B3GALNT2: variants seen among roughly 807,000 people sequenced by gnomAD.
B3GALNT2 encodes UDP-GalNAc:beta-1,3-N-acetylgalactosaminyltransferase 2.
Under a neutral mutation model 61.1 loss-of-function variants are expected in B3GALNT2, and 53 were observed. That is an observed-to-expected ratio of 0.87 (90% confidence interval 0.70 to 1.09). The LOEUF (loss-of-function observed/expected upper bound fraction) is 1.09, where lower values mean the gene tolerates loss of function less well. B3GALNT2 is among the 50% of genes least tolerant of loss of function. B3GALNT2 has a pLI of 0.00. For synonymous variants in B3GALNT2, 223 were observed against 237.4 expected, an observed-to-expected ratio of 0.94 and a Z score of 0.56; for missense variants, 544 against 623.0, an observed-to-expected ratio of 0.87 and a Z score of 1.35.
Position 235,449,057 on chromosome 1 carries a change from C to T in B3GALNT2, c.*1149G>A. On this transcript the variant is annotated 3_prime_UTR_variant, in exon 12 of 12. Transcript: ENST00000366600. ...TAAATATTAAATAGAAAGAAACTAG[C>T]TAGCCTAATAAAATCTGAACACAGT... 5.9e-6 allele frequency: 2 copies of T among 338,462 alleles called. No individual in the cohort carries two copies. Among genetic ancestry groups the T allele is most frequent in the South Asian group, 5.2e-5 (2 of 38,110 alleles). The allele number at this position is 338,462 out of a possible 1,614,324, so 21.0% of individuals were successfully genotyped here. A position where few individuals can be genotyped will look rare whatever the true frequency, so the allele number is the denominator to read the frequency against.
At chr1:235,494,529 T>C (rs1685222160) in intron 2 of B3GALNT2, 152 bp downstream of exon 2, 1 of 729,750 alleles carries the variant, frequency 1.4e-6, no homozygotes, top group Non-Finnish European at 2.3e-6. Context: ...CAATCATGGC[T>C]CACTGCAGCC....
intron 6 of B3GALNT2, among the ~76,000 whole-genome samples, chr1:235,467,194 G>A (rs928013850): frequency 1.3e-5 from 2 of 151,854 alleles, no homozygotes; most frequent in African/African-American, 4.8e-5. Flanking sequence ...TAAAAATACA[G>A]AAAAATTAGC....
chr1:235,472,623 C>T (rs1245506070), intron 5 of B3GALNT2, among the ~76,000 whole-genome samples: 1 of 152,172 alleles, frequency 6.6e-6, no homozygotes, highest in Non-Finnish European at 1.5e-5. Flanking sequence ...TCCCCAGCAT[C>T]GAGCCTGGCC....
Position 235,496,692 on chromosome 1 carries a change from C to T in B3GALNT2, c.113-1864G>A, listed in dbSNP as rs561927658. On this transcript the variant is annotated intron_variant, in intron 1 of 11. Transcript: ENST00000366600. ...TCCTGAGTAGCTGGGATTATAGGCG[C>T]CTGTCACTGTGCCTGGCTAATTTTT... Among the ~76,000 whole-genome samples, 8 of 151,852 alleles carry T rather than the reference C, an allele frequency of 5.3e-5. No individual in the cohort carries two copies. In the South Asian group the frequency reaches 8.3e-4, roughly 16 times the overall value.
At position 235,504,377 on chromosome 1, in the gene B3GALNT2, C is replaced by T; in HGVS notation, c.-125G>A. 3 of 1,139,558 alleles carry T rather than the reference C, an allele frequency of 2.6e-6. No homozygotes were observed. Among genetic ancestry groups the T allele is most frequent in the Non-Finnish European group, 3.5e-6 (3 of 856,522 alleles). The allele number at this position is 1,139,558 out of a possible 1,614,324, so 70.6% of individuals were successfully genotyped here. ...CTCCGAGCACGCCCGCCCTCGCGCTCGGCGACGTCTGGGGGGCTCCTCGCA... is the reference window on the plus strand; with the variant it reads ...CTCCGAGCACGCCCGCCCTCGCGCTTGGCGACGTCTGGGGGGCTCCTCGCA... On this transcript the variant is annotated 5_prime_UTR_variant, in exon 1 of 12. Coordinates refer to ENST00000366600, the MANE Select transcript of B3GALNT2 (RefSeq NM_152490.5).
Position 235,486,145 on chromosome 1 carries a change from G to A in B3GALNT2, c.362-1630C>T, listed in dbSNP as rs967807463. On this transcript the variant is annotated intron_variant, in intron 3 of 11. Transcript: ENST00000366600. The stretch of plus-strand genomic sequence containing the variant: ...TACTCTAGGTCATTTGGTTGCCCAC[G>A]TCAGACTTCCTAGAAGCTCTTTACA... Among the ~76,000 whole-genome samples the A allele has an allele frequency of 4.6e-5, 7 of 152,190 alleles. No homozygotes were observed. In the South Asian group the frequency reaches 8.3e-4, roughly 18 times the overall value.
At chr1:235,484,988 G>T (rs919639823) in intron 3 of B3GALNT2, among the ~76,000 whole-genome samples, 8 of 152,162 alleles carry the variant, frequency 5.3e-5, no homozygotes, top group Admixed American at 5.2e-4. Context: ...AATTATTACG[G>T]TATAAATAAG....
At chr1:235,462,928 T>C (rs1050123161) in intron 7 of B3GALNT2, among the ~76,000 whole-genome samples, 9 of 152,216 alleles carry the variant, frequency 5.9e-5, no homozygotes, top group African/African-American at 2.2e-4. Context: ...TACTTGCACA[T>C]GCATGTTTAT....
chr1:235,475,015 C>T (rs1279494584), intron 5 of B3GALNT2, among the ~76,000 whole-genome samples: 3 of 47,704 alleles, frequency 6.3e-5, no homozygotes, highest in East Asian at 1.2e-3. Context: ...TTTTTTGAGA[C>T]GGAGTCTCGC....
the B3GALNT2 span, among the ~76,000 whole-genome samples, chr1:235,440,033 C>G: frequency 3.3e-5 from 5 of 151,848 alleles, no homozygotes; most frequent in South Asian, 1.0e-3. Flanking sequence ...TGCAGTGCCG[C>G]GATCTCCGCT....
At chr1:235,487,896 C>G (rs1020588193) in intron 3 of B3GALNT2, among the ~76,000 whole-genome samples, 2 of 152,068 alleles carry the variant, frequency 1.3e-5, no homozygotes, top group East Asian at 3.9e-4. Flanking sequence ...CCAAGCAGTC[C>G]TCCTACCTCA....
rs1281464527 is a variant in B3GALNT2 at position 235,454,212 on chromosome 1, A to T, written c.1255T>A (p.Ser419Thr). ...AFACGSGYVI[S>T]KDIVKWLASN... is the part of the protein sequence containing the mutation. ...GCCAGCCACTTGACGATGTCCTTGGAGATCACATATCCTGACCCACATGCA... is the reference window on the plus strand; with the variant it reads ...GCCAGCCACTTGACGATGTCCTTGGTGATCACATATCCTGACCCACATGCA... The change falls in exon 10 of 12, where the codon TCC becomes ACC. Residue 419 changes from serine to threonine, a missense_variant. By Grantham distance (58) the Ser-to-Thr change is moderately conservative. Coordinates refer to ENST00000366600, the MANE Select transcript of B3GALNT2 (RefSeq NM_152490.5). 5.6e-6 allele frequency: 9 copies of T among 1,613,538 alleles called. No individual in the cohort carries two copies. Among genetic ancestry groups the T allele is most frequent in the Non-Finnish European group, 7.6e-6 (9 of 1,179,722 alleles).
chr1:235,494,026 A>G (rs1685196949), intron 2 of B3GALNT2, among the ~76,000 whole-genome samples: 1 of 152,216 alleles, frequency 6.6e-6, no homozygotes, highest in South Asian at 2.1e-4. Context: ...TCAGCATGAA[A>G]TGGATTACCA....
At position 235,447,948 on chromosome 1, in the gene B3GALNT2, T is replaced by C. The variant is rs770312218; in HGVS notation, c.*2258A>G. Among the ~76,000 whole-genome samples the C allele has an allele frequency of 1.6e-4, 24 of 152,082 alleles. 1 individual carries two copies. Among genetic ancestry groups the C allele is most frequent in the Admixed American group, 2.0e-4 (3 of 15,260 alleles). ...AAGATACAGCCAGGCGCTGGGCTCA[T>C]GCTTGTAATCCCAGCACTTTGGGGG... On this transcript the variant is annotated 3_prime_UTR_variant, in exon 12 of 12. Transcript: ENST00000366600.
intron 2 of B3GALNT2, among the ~76,000 whole-genome samples, chr1:235,491,229 AAAAG>A (rs1685053397): frequency 6.6e-6 from 1 of 152,200 alleles, no homozygotes; most frequent in Admixed American, 6.5e-5. Context: ...TGTTTAACTT[AAAAG>A]AAAGACTTTT....
chr1:235,504,108 C>G (rs1685718051), intron 1 of B3GALNT2, 33 bp downstream of exon 1: 1 of 1,206,520 alleles, frequency 8.3e-7, no homozygotes, highest in Admixed American at 4.4e-5. Context: ...ACCCCCCCGG[C>G]GGCCGCCAAC....
chr1:235,487,496 A>G (rs1684859762), intron 3 of B3GALNT2, among the ~76,000 whole-genome samples: 1 of 152,212 alleles, frequency 6.6e-6, no homozygotes, highest in Non-Finnish European at 1.5e-5. Context: ...TTTACAGATG[A>G]TAAAACTGAG....
Position 235,450,198 on chromosome 1 carries a change from A to G in B3GALNT2, c.*8T>C. On this transcript the variant is annotated 3_prime_UTR_variant, in exon 12 of 12. Coordinates refer to ENST00000366600, the MANE Select transcript of B3GALNT2 (RefSeq NM_152490.5). ...CCTGATTTTAGACTCTGCTAATTCA[A>G]GTCCCTGTTATCTTGCTTGACATCG... 6.2e-7 allele frequency: 1 copy of G among 1,614,126 alleles called. No individual in the cohort carries two copies. Among genetic ancestry groups the G allele is most frequent in the Non-Finnish European group, 8.5e-7 (1 of 1,180,002 alleles).
downstream of B3GALNT2, among the ~76,000 whole-genome samples, chr1:235,446,714 G>GA (rs1349413355): frequency 2.1e-5 from 3 of 142,860 alleles, no homozygotes; most frequent in African/African-American, 7.7e-5. Flanking sequence ...TTTTTTTTGA[G>GA]ACAGGTTCTC....
Sources: allele counts gnomAD v4.1 joint callset (sites outside exome capture counted in the v4.1 genomes callset), GRCh38; gene constraint gnomAD v4.1.1; transcripts MANE v1.5; gene names NCBI Gene and HGNC (gene_info 2026-07-23, HGNC 2026-07-21).